Variants in CTNS observed in about 807,000 individuals in gnomAD.
CTNS encodes the protein cystinosin, lysosomal cystine transporter.
CTNS carries 27 observed loss-of-function variants against 43.7 expected under a neutral mutation model. That is an observed-to-expected ratio of 0.62 (90% CI 0.46 to 0.85). The LOEUF (loss-of-function observed/expected upper bound fraction) is 0.85, where lower values mean the gene tolerates loss of function less well. Among genes scored for constraint, CTNS ranks in the 40% least tolerant of loss-of-function variants. The pLI is 0.00. For missense variants in CTNS, 457 were observed against 475.4 expected, an observed-to-expected ratio of 0.96 and a Z score of 0.36; for synonymous variants, 187 against 190.6, an observed-to-expected ratio of 0.98 and a Z score of 0.16.
At chr17:3,650,804 T>C (rs2075961468) in intron 5 of CTNS, among the ~76,000 whole-genome samples, 1 of 152,190 alleles carries the variant, frequency 6.6e-6, no homozygotes, top group Admixed American at 6.5e-5. Flanking sequence ...TTATTTTTTA[T>C]TTTATTTATT....
chr17:3,658,330 G>T (rs1195865068), intron 10 of CTNS, among the ~76,000 whole-genome samples, 155 bp downstream of exon 10: 1 of 152,180 alleles, frequency 6.6e-6, no homozygotes, highest in Non-Finnish European at 1.5e-5. Flanking sequence ...GGGCGGTGGG[G>T]AGGCCAGCCT....
intron 9 of CTNS, among the ~76,000 whole-genome samples, chr17:3,657,350 T>C (rs938800834): frequency 2.6e-5 from 4 of 152,148 alleles, no homozygotes; most frequent in Non-Finnish European, 4.4e-5. Flanking sequence ...CTGGAAGCCA[T>C]GGGTGTCGGC....
At chr17:3,653,833 G>A (rs745441294) in intron 5 of CTNS, among the ~76,000 whole-genome samples, 4 of 151,774 alleles carry the variant, frequency 2.6e-5, no homozygotes, top group South Asian at 2.1e-4. Context: ...CTGAGATCGC[G>A]CCATTGCACT....
intron 5 of CTNS, among the ~76,000 whole-genome samples, chr17:3,651,431 G>A (rs1265002832): frequency 6.6e-6 from 1 of 152,096 alleles, no homozygotes; most frequent in African/African-American, 2.4e-5. Context: ...TACCAAACAA[G>A]CCTTGGCTGT....
chr17:3,656,062 C>G, intron 7 of CTNS: 1 of 315,672 alleles, frequency 3.2e-6, no homozygotes, highest in East Asian at 7.7e-5. Context: ...GTCCTCACCC[C>G]TGGCCCTGCC....
In CTNS at chr17:3,662,026, T is replaced by C. The variant is rs1230191126; in HGVS notation, c.*1657T>C. Among the ~76,000 whole-genome samples the C allele has an allele frequency of 6.6e-6, 1 of 152,168 alleles. No individual in the cohort carries two copies. The highest frequency in any genetic ancestry group is 1.5e-5 in the Non-Finnish European group (1 of 68,032). On this transcript the variant is annotated 3_prime_UTR_variant, in exon 12 of 12. Coordinates refer to ENST00000046640, the MANE Select transcript of CTNS (RefSeq NM_004937.3). Reference sequence around the variant, plus strand: ...TCAGAGATTTCAAATGATTGACTTTTCCGGCTGAGTGCGGTGGCTCACGCC... The same window carrying C: ...TCAGAGATTTCAAATGATTGACTTTCCCGGCTGAGTGCGGTGGCTCACGCC...
intron 9 of CTNS, chr17:3,657,785 T>G: frequency 1.7e-6 from 1 of 599,466 alleles, no homozygotes; most frequent in Non-Finnish European, 3.0e-6. Flanking sequence ...GTGTGGTTGG[T>G]GCTGGGGATG....
At chr17:3,658,680 C>T (rs2150926287) in intron 10 of CTNS, among the ~76,000 whole-genome samples, 1 of 152,346 alleles carries the variant, frequency 6.6e-6, no homozygotes, top group South Asian at 2.1e-4. Context: ...GACCTAGGGC[C>T]TCATTTAACT....
chr17:3,637,046 C>T (rs1203874683), intron 1 of CTNS, 61 bp from the exon 2 acceptor site: 1 of 152,354 alleles, frequency 6.6e-6, no homozygotes, highest in Non-Finnish European at 1.5e-5. Flanking sequence ...GGGTGGGTGC[C>T]GTTCCCAGCC....
intron 3 of CTNS, 40 bp downstream of exon 3, chr17:3,640,307 A>G (rs1353954229): frequency 6.3e-7 from 1 of 1,577,014 alleles, no homozygotes; most frequent in Admixed American, 1.7e-5. Flanking sequence ...TAAAGAGGGA[A>G]ATGGTGGCTA....
At position 3,661,088 on chromosome 17, in the gene CTNS, T is replaced by G; in HGVS notation, c.*719T>G. On this transcript the variant is annotated 3_prime_UTR_variant, in exon 12 of 12. Coordinates refer to ENST00000046640, the MANE Select transcript of CTNS (RefSeq NM_004937.3). ...GCTTACTCTCTTCTGCCCTCTCTCCTACCTCCACCTTCTCAGATTAGCCCC... is the reference window on the plus strand; with the variant it reads ...GCTTACTCTCTTCTGCCCTCTCTCCGACCTCCACCTTCTCAGATTAGCCCC... 2 of 358,570 alleles carry G rather than the reference T, an allele frequency of 5.6e-6. No individual in the cohort carries two copies. The highest frequency in any genetic ancestry group is 5.4e-6 in the Non-Finnish European group (1 of 184,014). The allele number at this position is 358,570 out of a possible 1,614,324, so 22.2% of individuals were successfully genotyped here.
At chr17:3,644,699 C>T (rs1234350924) in intron 3 of CTNS, among the ~76,000 whole-genome samples, 3 of 152,140 alleles carry the variant, frequency 2.0e-5, no homozygotes, top group Admixed American at 1.3e-4. Context: ...CTCCTGACCT[C>T]GTGATCCACC....
At chr17:3,656,960 G>A in intron 9 of CTNS, 165 bp downstream of exon 9, 1 of 1,124,286 alleles carries the variant, frequency 8.9e-7, no homozygotes, top group Non-Finnish European at 1.3e-6. Context: ...GGCCCTCAGA[G>A]CCCCCCAAGT....
chr17:3,647,204 C>T (rs999267568), intron 3 of CTNS, among the ~76,000 whole-genome samples: 5 of 152,238 alleles, frequency 3.3e-5, no homozygotes, highest in South Asian at 2.1e-4. Flanking sequence ...AGCCTGTCAT[C>T]GCAGCGGGAG....
Position 3,650,107 on chromosome 17 carries a change from A to G in CTNS, c.225+1176A>G, listed in dbSNP as rs2075943716. 28 of 1,526,846 alleles carry G rather than the reference A, an allele frequency of 1.8e-5. 1 individual carries two copies. In the South Asian group the frequency reaches 3.2e-4, roughly 17 times the overall value. The allele number at this position is 1,526,846 out of a possible 1,614,324, so 94.6% of individuals were successfully genotyped here. ...TAGTCATTTCACAATGTATGCATAC[A>G]TCAAAGCATCACGTTATATACTGCA... On this transcript the variant is annotated intron_variant, in intron 5 of 11. Coordinates refer to ENST00000046640, the MANE Select transcript of CTNS (RefSeq NM_004937.3).
At chr17:3,653,981 C>G (rs980526618) in intron 5 of CTNS, among the ~76,000 whole-genome samples, 4 of 152,196 alleles carry the variant, frequency 2.6e-5, no homozygotes, top group Non-Finnish European at 4.4e-5. Context: ...TATTGCAGAG[C>G]AGCAAGGGTG....
At chr17:3,655,734 C>T in intron 7 of CTNS, 1 of 331,850 alleles carries the variant, frequency 3.0e-6, no homozygotes, top group Non-Finnish European at 5.9e-6. Context: ...CCCACCTTGA[C>T]TTGCAAAGAC....
rs886543789 is a variant in CTNS at position 3,655,715 on chromosome 17, C to T, written c.461+363C>T. 1.9e-4 allele frequency: 67 copies of T among 344,582 alleles called. 1 individual carries two copies. The highest frequency in any genetic ancestry group is 1.4e-3 in the South Asian group (55 of 40,242). The allele number at this position is 344,582 out of a possible 1,614,324, so 21.3% of individuals were successfully genotyped here. A position where few individuals can be genotyped will look rare whatever the true frequency, so the allele number is the denominator to read the frequency against. On this transcript the variant is annotated intron_variant, in intron 7 of 11. Coordinates refer to ENST00000046640, the MANE Select transcript of CTNS (RefSeq NM_004937.3). The stretch of plus-strand genomic sequence containing the variant: ...AGTCCTGTAGTCTCGGTCTTTGGGA[C>T]GAAGCTGTCCCACCTTGACTTGCAA...
chr17:3,661,004 T>C lies in CTNS; in HGVS notation c.*635T>C, dbSNP rs1222704417. On this transcript the variant is annotated 3_prime_UTR_variant, in exon 12 of 12. Transcript: ENST00000046640. Reference sequence around the variant, plus strand: ...CCAGATTGGTTCTGAATTGGATTCATGCCCAGCGCATTAGCATAGTAACTC... The same window carrying C: ...CCAGATTGGTTCTGAATTGGATTCACGCCCAGCGCATTAGCATAGTAACTC... 4 of 529,896 alleles carry C rather than the reference T, an allele frequency of 7.5e-6. No homozygotes were observed. In the African/African-American group the frequency reaches 7.6e-5, roughly 10 times the overall value. 32.8% of individuals were successfully genotyped at this position (529,896 alleles called of 1,614,324 possible). A position where few individuals can be genotyped will look rare whatever the true frequency, so the allele number is the denominator to read the frequency against.
Sources: allele counts gnomAD v4.1 joint callset (sites outside exome capture counted in the v4.1 genomes callset), GRCh38; gene constraint gnomAD v4.1.1; transcripts MANE v1.5; gene names NCBI Gene and HGNC (gene_info 2026-07-23, HGNC 2026-07-21).